Variants in HIVEP1 observed in about 807,000 individuals in gnomAD.
HIVEP1 encodes the protein zinc finger protein 40.
HIVEP1 carries 36 observed loss-of-function variants against 180.0 expected under a neutral mutation model. That is an observed-to-expected ratio of 0.20 (90% CI 0.15 to 0.26). The LOEUF (loss-of-function observed/expected upper bound fraction) is 0.26. Ranked by LOEUF, HIVEP1 falls within the 10% of genes least tolerant of loss-of-function variation. HIVEP1 has a pLI of 1.00. For missense variants in HIVEP1, 3,143 were observed against 3,268.7 expected, an observed-to-expected ratio of 0.96 and a Z score of 0.94; for synonymous variants, 1,239 against 1,239.0, an observed-to-expected ratio of 1.00 and a Z score of 0.00.
chr6:12,053,678 G>C (rs921337552), intron 2 of HIVEP1, among the ~76,000 whole-genome samples: 1 of 151,972 alleles, frequency 6.6e-6, no homozygotes, highest in Admixed American at 6.6e-5. Context: ...TCTGTTGGGG[G>C]CTGTGTACTG....
chr6:12,101,604 T>A (rs1774117140), intron 3 of HIVEP1, among the ~76,000 whole-genome samples: 1 of 151,600 alleles, frequency 6.6e-6, no homozygotes, highest in African/African-American at 2.4e-5. Context: ...TCTCTATAAA[T>A]GAAAAAATTA....
rs775396723 is a variant in HIVEP1, at chr6:12,121,304, G to C, written c.1509G>C (p.Glu503Asp). ...GCGAGGAGGAAGGCGCCACTGATGA[G>C]AGACAGCATGACCTGGGCGCCATGG... Reference protein sequence around the residue: ...GESEEEGATDERQHDLGAMEL... With the variant: ...GESEEEGATDDRQHDLGAMEL... Residue 503 changes from glutamate (E) to aspartate (D), a missense_variant, in exon 4 of 9, where the codon GAG becomes GAC. Transcript: ENST00000379388. This position sits in a 1 kb window ranked among gnomAD's most constrained non-coding sequence, Gnocchi z 5.3. 31 of 1,614,028 alleles carry C rather than the reference G, an allele frequency of 1.9e-5. No homozygotes were observed. In the Admixed American group the frequency reaches 5.0e-4, roughly 26 times the overall value.
At chr6:12,153,376 A>G (rs1270122700) in intron 7 of HIVEP1, among the ~76,000 whole-genome samples, 1 of 152,160 alleles carries the variant, frequency 6.6e-6, no homozygotes, top group Non-Finnish European at 1.5e-5. Flanking sequence ...CAACACTTTA[A>G]AAGTAATTAA....
Position 12,051,613 on chromosome 6 carries a change from A to G in HIVEP1, c.40+35945A>G, listed in dbSNP as rs146384825. On this transcript the variant is annotated intron_variant, in intron 2 of 8. Transcript: ENST00000379388. ...TAATTAAATATAATATATAGATAAA[A>G]TATAAATAGATACAGGTATCTTTAC... Among the ~76,000 whole-genome samples the G allele has an allele frequency of 3.4e-3, 510 of 152,040 alleles. 4 individuals carry two copies. The highest frequency in any genetic ancestry group is 0.011 in the African/African-American group (472 of 41,544).
At chr6:12,027,423 T>C (rs920189866) in intron 2 of HIVEP1, among the ~76,000 whole-genome samples, 2 of 152,182 alleles carry the variant, frequency 1.3e-5, no homozygotes, top group Admixed American at 1.3e-4. Flanking sequence ...GCCAGAAATA[T>C]TTAGTTCTTG....
At chr6:12,011,271 C>T (rs1186723942), upstream of HIVEP1, among the ~76,000 whole-genome samples, 13 of 28,350 alleles carry the variant, frequency 4.6e-4, no homozygotes, top group Non-Finnish European at 1.0e-3. Flanking sequence ...CCCTTGGGGT[C>T]CCCCCCCCCC....
the HIVEP1 span, among the ~76,000 whole-genome samples, chr6:12,185,286 G>A: frequency 2.0e-5 from 3 of 152,246 alleles, no homozygotes; most frequent in Non-Finnish European, 4.4e-5. Context: ...GGAGGGAACA[G>A]TAGAGTTCAG....
At chr6:12,016,289 C>G (rs1441970980) in intron 2 of HIVEP1, among the ~76,000 whole-genome samples, 1 of 152,224 alleles carries the variant, frequency 6.6e-6, no homozygotes, top group South Asian at 2.1e-4. Context: ...TAAGTGTATT[C>G]TAGCTTATTG....
chr6:12,091,669 T>C (rs1028608692), intron 3 of HIVEP1, among the ~76,000 whole-genome samples: 2 of 152,178 alleles, frequency 1.3e-5, no homozygotes, highest in African/African-American at 4.8e-5. Context: ...CACTAAATTA[T>C]GTTAATGTAC....
At chr6:12,037,632 AG>A (rs1769368978) in intron 2 of HIVEP1, 1 of 393,290 alleles carries the variant, frequency 2.5e-6, no homozygotes, top group East Asian at 3.6e-5. Flanking sequence ...AGTAGCAGTG[AG>A]TGTTTTCCTG....
At chr6:12,177,544 G>A in the HIVEP1 span, among the ~76,000 whole-genome samples, 3 of 152,152 alleles carry the variant, frequency 2.0e-5, no homozygotes, top group African/African-American at 7.2e-5. Flanking sequence ...TCTTATGTAG[G>A]TGTTTAGTAA....
intron 3 of HIVEP1, among the ~76,000 whole-genome samples, chr6:12,099,841 T>G: frequency 6.6e-6 from 1 of 152,240 alleles, no homozygotes; most frequent in Non-Finnish European, 1.5e-5. Flanking sequence ...TTAAGTGTGG[T>G]TAGATATGTA....
chr6:12,167,643 A>ATAT (rs1562023623), downstream of HIVEP1, among the ~76,000 whole-genome samples: 21 of 23,998 alleles, frequency 8.8e-4, no homozygotes, highest in South Asian at 1.8e-3. Flanking sequence ...ATATATACAT[A>ATAT]TACATATATA....
chr6:12,019,264 G>A (rs1768032510), intron 2 of HIVEP1, among the ~76,000 whole-genome samples: 1 of 152,166 alleles, frequency 6.6e-6, no homozygotes, highest in Non-Finnish European at 1.5e-5. Context: ...GGGACAGAGG[G>A]GTTGGTGCTC....
chr6:12,012,403 G>A lies in HIVEP1; in HGVS notation c.-267G>A, dbSNP rs1170384614. On this transcript the variant is annotated 5_prime_UTR_variant, in exon 1 of 9. Transcript: ENST00000379388. ...CGGGGAGCGGCGGCCGCCGGAGGAG[G>A]TTATGTTTGTGTTTGGGGTTGTCAA... 3 of 149,022 alleles carry A rather than the reference G, an allele frequency of 2.0e-5. No individual in the cohort carries two copies. The highest frequency in any genetic ancestry group is 3.0e-5 in the Non-Finnish European group (2 of 66,822). The allele number at this position is 149,022 out of a possible 1,614,324, so 9.2% of individuals were successfully genotyped here.
chr6:12,092,687 C>CT (rs756668679), intron 3 of HIVEP1, among the ~76,000 whole-genome samples: 12 of 151,870 alleles, frequency 7.9e-5, no homozygotes, highest in African/African-American at 1.7e-4. Context: ...TATGTTTAGT[C>CT]TTTTTTTTCC....
At chr6:12,066,910 T>C (rs566704304) in intron 2 of HIVEP1, among the ~76,000 whole-genome samples, 1 of 152,068 alleles carries the variant, frequency 6.6e-6, no homozygotes, top group African/African-American at 2.4e-5. Context: ...ACATACACTT[T>C]ATTATATATA....
At chr6:12,057,357 T>G (rs1394782573) in intron 2 of HIVEP1, among the ~76,000 whole-genome samples, 5 of 152,198 alleles carry the variant, frequency 3.3e-5, no homozygotes, top group Non-Finnish European at 7.3e-5. Context: ...TAGCATTGTT[T>G]GTTGGAAAGA....
At chr6:12,096,250 A>C (rs1773776283) in intron 3 of HIVEP1, among the ~76,000 whole-genome samples, 1 of 152,046 alleles carries the variant, frequency 6.6e-6, no homozygotes, top group Admixed American at 6.6e-5. Flanking sequence ...AGTTTATATG[A>C]GTTAAGAAAT....
Sources: gnomAD v4.1 joint callset for allele counts (sites outside exome capture counted in the v4.1 genomes callset) on GRCh38, gnomAD v4.1.1 for gene constraint, Gnocchi (gnomAD v3.1) non-coding constraint, MANE v1.5 for transcripts, NCBI Gene and HGNC (gene_info 2026-07-23, HGNC 2026-07-21) for gene names.